LNX2: variants seen among roughly 807,000 people sequenced by gnomAD.
LNX2 encodes the protein ligand of Numb protein X 2.
In LNX2, 35 loss-of-function variants were observed where a neutral mutation model predicts 66.2. That is an observed-to-expected ratio of 0.53 (90% CI 0.40 to 0.70). The LOEUF (loss-of-function observed/expected upper bound fraction) is 0.70. Among genes scored for constraint, LNX2 ranks in the 30% least tolerant of loss-of-function variants. LNX2 has a pLI of 0.00. For missense variants in LNX2, 791 were observed against 850.8 expected, an observed-to-expected ratio of 0.93 and a Z score of 0.87; for synonymous variants, 337 against 315.6, an observed-to-expected ratio of 1.07 and a Z score of -0.72.
chr13:27,616,748 T>C (rs1407859302), intron 1 of LNX2, among the ~76,000 whole-genome samples: 1 of 152,170 alleles, frequency 6.6e-6, no homozygotes, highest in Non-Finnish European at 1.5e-5. Flanking sequence ...AGCACTTGCT[T>C]GTTAAAAAAT....
At position 27,546,584 on chromosome 13, in the gene LNX2, T is replaced by C. The variant is rs969552671; in HGVS notation, c.*1751A>G. On this transcript the variant is annotated 3_prime_UTR_variant, in exon 10 of 10. Transcript: ENST00000316334. ...TAGATATGTTTTTTAAAAATCATTA[T>C]AAAACTAACTGAAATAATCAGTGAC... The C allele has an allele frequency of 6.6e-6, 1 of 152,210 alleles. No homozygotes were observed. Among genetic ancestry groups the C allele is most frequent in the Admixed American group, 6.5e-5 (1 of 15,284 alleles). The allele number at this position is 152,210 out of a possible 1,614,324, so 9.4% of individuals were successfully genotyped here. A position where few individuals can be genotyped will look rare whatever the true frequency, so the allele number is the denominator to read the frequency against.
At chr13:27,616,908 G>T (rs1312717447) in intron 1 of LNX2, among the ~76,000 whole-genome samples, 2 of 152,016 alleles carry the variant, frequency 1.3e-5, no homozygotes, top group African/African-American at 4.8e-5. Flanking sequence ...CTGCCACCAC[G>T]CCCAGCTAAT....
chr13:27,552,256 T>C (rs566036923), intron 8 of LNX2, among the ~76,000 whole-genome samples: 3 of 152,326 alleles, frequency 2.0e-5, no homozygotes, highest in East Asian at 1.9e-4. Context: ...GCTCTCTGCC[T>C]GCCCCATCAT....
rs1207674553 is a variant in LNX2, at chr13:27,556,325, C to G, written c.1457G>C (p.Gly486Ala). ...HESLGMTVAG[G>A]RGSKSGELPI... ...CAGCTCACCACTCTTACTTCCCCTGCCCCCAGCAACGGTCATGCCAAGGGA... is the reference window on the plus strand; with the variant it reads ...CAGCTCACCACTCTTACTTCCCCTGGCCCCAGCAACGGTCATGCCAAGGGA... The change falls in exon 7 of 10, where the codon GGC becomes GCC. Residue 486 changes from glycine to alanine, a missense_variant. By Grantham distance (60) the Gly-to-Ala change is moderately conservative. Transcript: ENST00000316334. 1 of 1,613,816 alleles carries G rather than the reference C, an allele frequency of 6.2e-7. No homozygotes were observed. Among genetic ancestry groups the G allele is most frequent in the African/African-American group, 1.3e-5 (1 of 74,890 alleles).
intron 1 of LNX2, among the ~76,000 whole-genome samples, chr13:27,584,672 C>T (rs571827811): frequency 1.5e-4 from 23 of 151,142 alleles, no homozygotes; most frequent in African/African-American, 2.2e-4. Context: ...GGCAACAAAG[C>T]GAGACCCTGT....
chr13:27,595,359 T>G (rs775740261), intron 1 of LNX2, among the ~76,000 whole-genome samples: 4 of 152,238 alleles, frequency 2.6e-5, no homozygotes, highest in Non-Finnish European at 5.9e-5. Flanking sequence ...GTGTCTTCCC[T>G]ACAGACTGAA....
At chr13:27,576,405 T>C (rs963955823) in intron 2 of LNX2, among the ~76,000 whole-genome samples, 4 of 152,134 alleles carry the variant, frequency 2.6e-5, no homozygotes, top group Non-Finnish European at 5.9e-5. Flanking sequence ...AGACAGGCCA[T>C]GTGCTAGGCC....
chr13:27,562,833 T>C (rs1955154155), intron 4 of LNX2, 52 bp from the exon 5 acceptor site: 1 of 1,552,332 alleles, frequency 6.4e-7, no homozygotes, highest in Admixed American at 1.9e-5. Flanking sequence ...TTTTTCCAAT[T>C]TGTAGGAATG....
intron 2 of LNX2, among the ~76,000 whole-genome samples, chr13:27,570,172 T>C (rs1036576170): frequency 6.6e-6 from 1 of 152,080 alleles, no homozygotes; most frequent in Non-Finnish European, 1.5e-5. Context: ...GACAAAAAGA[T>C]TAGTGAAGGA....
At chr13:27,618,326 T>A (rs187201539) in intron 1 of LNX2, among the ~76,000 whole-genome samples, 10 of 152,328 alleles carry the variant, frequency 6.6e-5, no homozygotes, top group Admixed American at 2.0e-4. Context: ...TTTTTTCAAG[T>A]TCTATCCCCC....
Position 27,546,804 on chromosome 13 carries a change from A to G in LNX2, c.*1531T>C, listed in dbSNP as rs1240211708. On this transcript the variant is annotated 3_prime_UTR_variant, in exon 10 of 10. Coordinates refer to ENST00000316334, the MANE Select transcript of LNX2 (RefSeq NM_153371.4). ...TAAATGAAATTTTTTTCAAGTATGTATAATATTAATAAGGTAAAGATATTT... is the reference window on the plus strand; with the variant it reads ...TAAATGAAATTTTTTTCAAGTATGTGTAATATTAATAAGGTAAAGATATTT... 1 of 152,196 alleles carries G rather than the reference A, an allele frequency of 6.6e-6. No individual in the cohort carries two copies. Among genetic ancestry groups the G allele is most frequent in the East Asian group, 1.9e-4 (1 of 5,204 alleles). 9.4% of individuals were successfully genotyped at this position (152,196 alleles called of 1,614,324 possible).
chr13:27,554,409 C>T (rs1327408933), intron 7 of LNX2, among the ~76,000 whole-genome samples: 1 of 152,138 alleles, frequency 6.6e-6, no homozygotes, highest in East Asian at 1.9e-4. Flanking sequence ...ATTTCCCTTC[C>T]CCAACCCTAA....
At chr13:27,592,244 A>G (rs911680004) in intron 1 of LNX2, among the ~76,000 whole-genome samples, 1 of 152,230 alleles carries the variant, frequency 6.6e-6, no homozygotes, top group Non-Finnish European at 1.5e-5. Context: ...GGTAGATTGA[A>G]CATGATGAAC....
At chr13:27,565,392 G>T (rs1028976133) in intron 4 of LNX2, among the ~76,000 whole-genome samples, 1 of 152,216 alleles carries the variant, frequency 6.6e-6, no homozygotes, top group African/African-American at 2.4e-5. Flanking sequence ...GAGAGTCAAA[G>T]AACACTCAGT....
intron 1 of LNX2, among the ~76,000 whole-genome samples, chr13:27,604,865 T>A (rs1955697248): frequency 6.6e-6 from 1 of 151,522 alleles, no homozygotes; most frequent in Non-Finnish European, 1.5e-5. Flanking sequence ...ATTTTTTTTT[T>A]TTTTTGCCCT....
chr13:27,593,131 T>A (rs1955561823), intron 1 of LNX2, among the ~76,000 whole-genome samples: 1 of 152,212 alleles, frequency 6.6e-6, no homozygotes, highest in Non-Finnish European at 1.5e-5. Context: ...ATGATTTGCA[T>A]CTGTCTACAT....
At chr13:27,619,811 T>C (rs551816433) in intron 1 of LNX2, among the ~76,000 whole-genome samples, 28 of 152,334 alleles carry the variant, frequency 1.8e-4, no homozygotes, top group African/African-American at 6.5e-4. Flanking sequence ...TCAAGATTCA[T>C]ATTTTTAAAT....
intron 1 of LNX2, among the ~76,000 whole-genome samples, chr13:27,618,513 G>T (rs1955851146): frequency 6.6e-6 from 1 of 152,114 alleles, no homozygotes; most frequent in South Asian, 2.1e-4. Context: ...AGACGCTGCA[G>T]ATATCTTTCT....
At position 27,548,460 on chromosome 13, in the gene LNX2, T is replaced by A. The variant is rs775692571; in HGVS notation, c.1948A>T (p.Met650Leu). The change falls in exon 10 of 10, where the codon ATG (methionine) becomes TTG (leucine). Residue 650 changes from methionine (M) to leucine (L), a missense_variant. Physicochemically the swap from Met to Leu is conservative, Grantham distance 15. Coordinates refer to ENST00000316334, the MANE Select transcript of LNX2 (RefSeq NM_153371.4). ...GACAGCCCATTTACGGCCACAATCA[T>A]GTCACCACACCTGGACAAAGAGAGA... ...YYDGRLKCGD[M>L]IVAVNGLSTV... 6.2e-7 allele frequency: 1 copy of A among 1,613,894 alleles called. No homozygotes were observed. Among genetic ancestry groups the A allele is most frequent in the East Asian group, 2.2e-5 (1 of 44,878 alleles).
Sources: gnomAD v4.1 joint callset for allele counts (sites outside exome capture counted in the v4.1 genomes callset) on GRCh38, gnomAD v4.1.1 for gene constraint, MANE v1.5 for transcripts, NCBI Gene and HGNC (gene_info 2026-07-23, HGNC 2026-07-21) for gene names.